BLTP3B: variants seen among roughly 807,000 people sequenced by gnomAD.
BLTP3B encodes the protein UHRF1 (ICBP90) binding protein 1-like.
At chr12:100,065,798 G>A in the BLTP3B span, among the ~76,000 whole-genome samples, 1 of 152,108 alleles carries the variant, frequency 6.6e-6, no homozygotes, top group Non-Finnish European at 1.5e-5. Flanking sequence ...CCTTTGCCTT[G>A]TGATCTTTAT....
the BLTP3B span, chr12:100,103,959 T>A: frequency 5.0e-6 from 8 of 1,596,936 alleles, no homozygotes; most frequent in African/African-American, 9.4e-5. Context: ...GATCTACAAA[T>A]GAAAAATTTT....
At chr12:100,083,274 A>C in the BLTP3B span, 9 of 589,674 alleles carry the variant, frequency 1.5e-5, no homozygotes, top group Non-Finnish European at 2.4e-5. Context: ...TACTTTATAA[A>C]TTATAAAGTA....
chr12:100,114,660 T>C, the BLTP3B span, among the ~76,000 whole-genome samples: 2 of 152,202 alleles, frequency 1.3e-5, no homozygotes, highest in African/African-American at 4.8e-5. Context: ...CATTTTAAAG[T>C]CATACAAGAG....
chr12:100,132,926 C>A, the BLTP3B span, among the ~76,000 whole-genome samples: 1 of 151,672 alleles, frequency 6.6e-6, no homozygotes, highest in African/African-American at 2.4e-5. Flanking sequence ...CCAGCCTGAG[C>A]AACAGAGTAA....
At chr12:100,128,064 C>T in the BLTP3B span, among the ~76,000 whole-genome samples, 2 of 152,140 alleles carry the variant, frequency 1.3e-5, no homozygotes, top group African/African-American at 4.8e-5. Context: ...ATTTGCACTG[C>T]TGTTTGTGAG....
chr12:100,085,127 C>G, the BLTP3B span, among the ~76,000 whole-genome samples: 162 of 152,264 alleles, frequency 1.1e-3, no homozygotes, highest in Non-Finnish European at 1.9e-3. Context: ...AAGATGTACT[C>G]AGCCATAGTT....
the BLTP3B span, among the ~76,000 whole-genome samples, chr12:100,043,887 C>T: frequency 3.3e-5 from 5 of 152,228 alleles, no homozygotes; most frequent in Admixed American, 1.3e-4. Context: ...GGAGATTCCT[C>T]CTATTTTTGA....
the BLTP3B span, among the ~76,000 whole-genome samples, chr12:100,078,394 T>C: frequency 6.6e-6 from 1 of 152,166 alleles, no homozygotes; most frequent in Admixed American, 6.5e-5. Flanking sequence ...CAAAAGCCAA[T>C]TAAACTTCTT....
At chr12:100,045,963 A>C in the BLTP3B span, among the ~76,000 whole-genome samples, 1 of 152,272 alleles carries the variant, frequency 6.6e-6, no homozygotes, top group African/African-American at 2.4e-5. Flanking sequence ...CAGCCAACAG[A>C]CATATGAAAA....
the BLTP3B span, among the ~76,000 whole-genome samples, chr12:100,077,145 C>CCA: frequency 2.0e-5 from 3 of 151,994 alleles, no homozygotes; most frequent in African/African-American, 7.2e-5. Flanking sequence ...GATGTGGATC[C>CCA]CATAAGATTA....
chr12:100,098,172 T>C, the BLTP3B span, among the ~76,000 whole-genome samples: 3 of 152,076 alleles, frequency 2.0e-5, no homozygotes, highest in Non-Finnish European at 4.4e-5. Context: ...GAGCCGTGAT[T>C]GCGCCACTGC....
chr12:100,046,807 G>A, the BLTP3B span, among the ~76,000 whole-genome samples: 1 of 152,078 alleles, frequency 6.6e-6, no homozygotes, highest in Non-Finnish European at 1.5e-5. Context: ...ACATAATGAT[G>A]AGCAATTCCA....
the BLTP3B span, among the ~76,000 whole-genome samples, chr12:100,105,565 T>G: frequency 6.6e-6 from 1 of 152,168 alleles, no homozygotes; most frequent in African/African-American, 2.4e-5. Context: ...GTTTTAAATC[T>G]AAGATCTGAA....
At chr12:100,056,180 A>C in the BLTP3B span, among the ~76,000 whole-genome samples, 3 of 152,184 alleles carry the variant, frequency 2.0e-5, no homozygotes, top group African/African-American at 7.2e-5. Flanking sequence ...TCAGCCCATG[A>C]GAGCTTACCC....
chr12:100,086,372 A>AGT, the BLTP3B span: 2 of 439,828 alleles, frequency 4.5e-6, no homozygotes, highest in African/African-American at 2.6e-5. Context: ...GGAAAAAAAA[A>AGT]GGGGGGGGGG....
the BLTP3B span, among the ~76,000 whole-genome samples, chr12:100,105,686 C>A: frequency 6.6e-6 from 1 of 152,022 alleles, no homozygotes; most frequent in African/African-American, 2.4e-5. Context: ...TAAATGAGAC[C>A]TAATTAAACT....
At chr12:100,041,194 A>T in the BLTP3B span, among the ~76,000 whole-genome samples, 2 of 152,316 alleles carry the variant, frequency 1.3e-5, no homozygotes, top group East Asian at 3.9e-4. Context: ...ACAGAATAAA[A>T]GGCAAAAGCC....
the BLTP3B span, among the ~76,000 whole-genome samples, chr12:100,082,430 A>G: frequency 6.6e-6 from 1 of 152,138 alleles, no homozygotes; most frequent in Non-Finnish European, 1.5e-5. Flanking sequence ...TTTTGTTGCA[A>G]TTACTTTTGG....
the BLTP3B span, chr12:100,072,728 G>C: frequency 6.2e-7 from 1 of 1,603,178 alleles, no homozygotes; most frequent in Non-Finnish European, 8.5e-7. Flanking sequence ...ATAGACAGCT[G>C]ACATTTCTTG....
Sources: gnomAD v4.1 joint callset for allele counts (sites outside exome capture counted in the v4.1 genomes callset) on GRCh38, gnomAD v4.1.1 for gene constraint, MANE v1.5 for transcripts, NCBI Gene and HGNC (gene_info 2026-07-23, HGNC 2026-07-21) for gene names.